RAB38: variants seen among roughly 807,000 people sequenced by gnomAD.
RAB38 encodes ras-related protein Rab-38.
In RAB38, 15 loss-of-function variants were observed where a neutral mutation model predicts 18.4. The ratio of observed to expected loss-of-function variants is 0.82; its 90% CI spans 0.55 to 1.26. The LOEUF is 1.26. Among genes scored for constraint, RAB38 ranks in the 50% most tolerant of loss-of-function variants. RAB38 has a pLI of 0.00. For missense variants in RAB38, 294 were observed against 267.4 expected (o/e 1.10, Z -0.69); for synonymous variants, 101 against 104.4 (o/e 0.97, Z 0.20).
the RAB38 span, among the ~76,000 whole-genome samples, chr11:87,975,121 T>C: frequency 1.3e-5 from 2 of 151,922 alleles, no homozygotes; most frequent in African/African-American, 4.8e-5. Context: ...CCCATGGTGT[T>C]CTCTGTGTAT....
At chr11:88,050,544 A>G in the RAB38 span, among the ~76,000 whole-genome samples, 1 of 152,246 alleles carries the variant, frequency 6.6e-6, no homozygotes, top group African/African-American at 2.4e-5. Flanking sequence ...AAAAGAGTGT[A>G]TTGTATAATT....
At chr11:87,878,267 T>TC in the RAB38 span, among the ~76,000 whole-genome samples, 1 of 122,094 alleles carries the variant, frequency 8.2e-6, no homozygotes, top group African/African-American at 3.5e-5. Flanking sequence ...TCTATCTATC[T>TC]ATCTATCTAT....
chr11:88,150,081 T>C (rs1454746059), intron 1 of RAB38, 126 bp from the exon 2 acceptor site: 2 of 997,708 alleles, frequency 2.0e-6, no homozygotes, highest in East Asian at 4.9e-5. Context: ...CTGATAATCT[T>C]TAAAGAGCGA....
At chr11:87,880,915 C>A in the RAB38 span, among the ~76,000 whole-genome samples, 1 of 151,920 alleles carries the variant, frequency 6.6e-6, no homozygotes, top group South Asian at 2.1e-4. Flanking sequence ...TATTACAGAA[C>A]TTTAAAAATA....
At chr11:88,168,470 T>G (rs868471523) in intron 1 of RAB38, among the ~76,000 whole-genome samples, 26 of 152,126 alleles carry the variant, frequency 1.7e-4, no homozygotes, top group African/African-American at 6.0e-4. Context: ...ATGTGATACT[T>G]TCCCATCAGA....
At chr11:88,051,085 A>G in the RAB38 span, among the ~76,000 whole-genome samples, 2 of 152,166 alleles carry the variant, frequency 1.3e-5, no homozygotes, top group Non-Finnish European at 1.5e-5. Context: ...ATTTTTTAAA[A>G]TATCGCATTA....
At chr11:87,845,899 C>A in the RAB38 span, among the ~76,000 whole-genome samples, 1 of 152,080 alleles carries the variant, frequency 6.6e-6, no homozygotes, top group African/African-American at 2.4e-5. Context: ...TCAAAAAATT[C>A]TTGCAAACCG....
At chr11:88,089,393 C>T in the RAB38 span, among the ~76,000 whole-genome samples, 1 of 148,168 alleles carries the variant, frequency 6.7e-6, no homozygotes, top group Non-Finnish European at 1.5e-5. Flanking sequence ...TTCAATGCTG[C>T]TTTTTGTAGC....
chr11:87,956,795 A>G, the RAB38 span, among the ~76,000 whole-genome samples: 1 of 152,080 alleles, frequency 6.6e-6, no homozygotes, highest in Non-Finnish European at 1.5e-5. Flanking sequence ...GGAGTACTGC[A>G]CCAAACCTGG....
intron 1 of RAB38, among the ~76,000 whole-genome samples, chr11:88,171,968 A>G (rs1943316301): frequency 6.6e-6 from 1 of 152,250 alleles, no homozygotes; most frequent in African/African-American, 2.4e-5. Flanking sequence ...GTGGTACTTA[A>G]TAATACCAAA....
At chr11:87,972,454 C>A in the RAB38 span, among the ~76,000 whole-genome samples, 1 of 151,984 alleles carries the variant, frequency 6.6e-6, no homozygotes, top group Non-Finnish European at 1.5e-5. Flanking sequence ...GTATTTGGTA[C>A]GATAGAGACT....
the RAB38 span, among the ~76,000 whole-genome samples, chr11:88,105,629 C>T: frequency 6.6e-6 from 1 of 152,104 alleles, no homozygotes; most frequent in Non-Finnish European, 1.5e-5. Flanking sequence ...ACCCAGCTGT[C>T]ACATGGGGTG....
chr11:87,812,799 T>G, the RAB38 span, among the ~76,000 whole-genome samples: 1 of 152,238 alleles, frequency 6.6e-6, no homozygotes, highest in African/African-American at 2.4e-5. Flanking sequence ...CTTTTGCCAC[T>G]GTGAAGGAAT....
the RAB38 span, among the ~76,000 whole-genome samples, chr11:88,032,466 T>C: frequency 1.3e-5 from 2 of 152,120 alleles, no homozygotes. Flanking sequence ...GGAGAAAATT[T>C]TTGCAACCTA....
chr11:88,026,028 G>A, the RAB38 span, among the ~76,000 whole-genome samples: 4 of 151,868 alleles, frequency 2.6e-5, no homozygotes, highest in Non-Finnish European at 4.4e-5. Context: ...GCAATGGCGC[G>A]ATTTTGGCTC....
chr11:87,830,480 C>CA, the RAB38 span, among the ~76,000 whole-genome samples: 6,336 of 132,494 alleles, frequency 0.048, 233 homozygotes, highest in East Asian at 0.21. Flanking sequence ...GGCACTGTCT[C>CA]AAAAAAAAAA....
chr11:87,916,273 G>T, the RAB38 span, among the ~76,000 whole-genome samples: 1 of 152,076 alleles, frequency 6.6e-6, no homozygotes, highest in African/African-American at 2.4e-5. Flanking sequence ...TCAGACTCAG[G>T]TTGAAATTTG....
rs944093317 is a variant in RAB38 at position 88,113,369 on chromosome 11, A to G, written c.*619T>C. The G allele has an allele frequency of 7.9e-5, 12 of 152,828 alleles. No individual in the cohort carries two copies. Among genetic ancestry groups the G allele is most frequent in the Non-Finnish European group, 1.8e-4 (12 of 68,214 alleles). 9.5% of individuals were successfully genotyped at this position (152,828 alleles called of 1,614,324 possible). On this transcript the variant is annotated 3_prime_UTR_variant, in exon 3 of 3. Coordinates refer to ENST00000243662, the MANE Select transcript of RAB38 (RefSeq NM_022337.3). Reference sequence around the variant, plus strand: ...GCTTGAGTCAGAGAAAGCTAACAGAAAGGCACATATGGAGGCATGTCTTTT... The same window carrying G: ...GCTTGAGTCAGAGAAAGCTAACAGAGAGGCACATATGGAGGCATGTCTTTT...
chr11:88,155,298 C>T (rs113003062), intron 1 of RAB38, among the ~76,000 whole-genome samples: 1,945 of 152,244 alleles, frequency 0.013, 23 homozygotes, highest in Non-Finnish European at 0.02. Flanking sequence ...AGAGAGCTTC[C>T]GCCAGTAAAC....
Sources: allele counts gnomAD v4.1 joint callset (sites outside exome capture counted in the v4.1 genomes callset), GRCh38; gene constraint gnomAD v4.1.1; transcripts MANE v1.5; gene names NCBI Gene and HGNC (gene_info 2026-07-23, HGNC 2026-07-21).